The following CDS1 variants were observed in gnomAD, a reference collection of about 807,000 sequenced individuals.
CDS1 encodes phosphatidate cytidylyltransferase 1.
Under a neutral mutation model 62.1 loss-of-function variants are expected in CDS1, and 41 were observed. That is an observed-to-expected ratio of 0.66 (90% confidence interval 0.51 to 0.86). CDS1 has a LOEUF of 0.86. Ranked by LOEUF, CDS1 falls within the 40% of genes least tolerant of loss-of-function variation. The pLI, the probability that CDS1 is intolerant of heterozygous loss-of-function variation, is 0.00. For missense variants in CDS1, 470 were observed against 550.1 expected (o/e 0.85, Z 1.46); for synonymous variants, 185 against 192.6 (o/e 0.96, Z 0.32).
chr4:84,586,382 A>G (rs1317987561), intron 1 of CDS1, among the ~76,000 whole-genome samples: 1 of 152,220 alleles, frequency 6.6e-6, no homozygotes, highest in Non-Finnish European at 1.5e-5. Flanking sequence ...TCCTGCAACT[A>G]TACAGTCCCA....
At chr4:84,642,670 C>CT in intron 10 of CDS1, among the ~76,000 whole-genome samples, 2 of 152,078 alleles carry the variant, frequency 1.3e-5, no homozygotes, top group Non-Finnish European at 2.9e-5. Context: ...TATATAATTA[C>CT]AGCAACAAAG....
rs1723025334 is a variant in CDS1, at chr4:84,604,305, A to G, written c.180A>G (p.Glu60=). ...LDSRTDSDIP[E]IPPSSDRTPE... ...CCAGAACAGATTCTGATATTCCGGA[A>G]ATTCCACCATCCTCAGATAGAACCC... is the stretch of plus-strand genomic sequence containing the variant. Residue 60 remains glutamate (E), a synonymous_variant, in exon 2 of 13, where the codon GAA becomes GAG. Coordinates refer to ENST00000295887, the MANE Select transcript of CDS1 (RefSeq NM_001263.4). 1 of 1,612,544 alleles carries G rather than the reference A, an allele frequency of 6.2e-7. No individual in the cohort carries two copies. The highest frequency in any genetic ancestry group is 1.7e-5 in the Admixed American group (1 of 59,994).
intron 3 of CDS1, among the ~76,000 whole-genome samples, chr4:84,613,878 T>G (rs1265596227): frequency 6.6e-6 from 1 of 152,192 alleles, no homozygotes; most frequent in Non-Finnish European, 1.5e-5. Context: ...TGTAGTTTAC[T>G]TTTAAATAGT....
intron 2 of CDS1, among the ~76,000 whole-genome samples, chr4:84,607,523 G>T (rs749972722): frequency 6.6e-6 from 1 of 151,408 alleles, no homozygotes; most frequent in South Asian, 2.1e-4. Context: ...GGTTTTTACC[G>T]TGTTGCCCAG....
At chr4:84,593,478 G>A (rs143178613) in intron 1 of CDS1, among the ~76,000 whole-genome samples, 69 of 151,678 alleles carry the variant, frequency 4.5e-4, no homozygotes, top group African/African-American at 1.5e-3. Context: ...TATACACTCT[G>A]ATCAGCAGCA....
At chr4:84,596,783 T>C (rs1722765385) in intron 1 of CDS1, among the ~76,000 whole-genome samples, 1 of 152,146 alleles carries the variant, frequency 6.6e-6, no homozygotes, top group Non-Finnish European at 1.5e-5. Flanking sequence ...AGAAATTACA[T>C]CTAGGCTGAT....
Position 84,583,167 on chromosome 4 carries a change from A to C in CDS1, c.-235A>C. The C allele has an allele frequency of 2.3e-6, 1 of 442,810 alleles. No homozygotes were observed. 27.4% of individuals were successfully genotyped at this position (442,810 alleles called of 1,614,324 possible). A position where few individuals can be genotyped will look rare whatever the true frequency, so the allele number is the denominator to read the frequency against. Reference sequence around the variant, plus strand: ...GCCTGGCGCCCGGAGCCTGCCCGGGACCTCCGCCGGAGCCGCGCTCGCTGC... The same window carrying C: ...GCCTGGCGCCCGGAGCCTGCCCGGGCCCTCCGCCGGAGCCGCGCTCGCTGC... On this transcript the variant is annotated 5_prime_UTR_variant, in exon 1 of 13. Transcript: ENST00000295887.
In CDS1 at chr4:84,599,621, C is replaced by CGT. The variant is rs200732114; in HGVS notation, c.118-4613_118-4612dup. On this transcript the variant is annotated intron_variant, in intron 1 of 12. Transcript: ENST00000295887. Reference sequence around the variant, plus strand: ...TTTATATAAATGGAATAATATAATACGTGTGTGTGTATATATATATATATG... The same window carrying CGT: ...TTTATATAAATGGAATAATATAATACGTGTGTGTGTGTATATATATATATATG... 9.5e-4 allele frequency among the ~76,000 whole-genome samples: 143 copies of CGT among 150,360 alleles called. 1 individual carries two copies. Among genetic ancestry groups the CGT allele is most frequent in the African/African-American group, 3.0e-3 (122 of 40,548 alleles).
At chr4:84,614,803 T>C (rs981355285) in intron 3 of CDS1, among the ~76,000 whole-genome samples, 1 of 152,234 alleles carries the variant, frequency 6.6e-6, no homozygotes, top group Admixed American at 6.5e-5. Context: ...GTCTAAAGAA[T>C]AAAGAGAAGG....
intron 1 of CDS1, among the ~76,000 whole-genome samples, chr4:84,587,246 A>G (rs1722447582): frequency 6.6e-6 from 1 of 152,104 alleles, no homozygotes; most frequent in African/African-American, 2.4e-5. Context: ...TTTGGTATAT[A>G]TACAATTAAA....
intron 2 of CDS1, among the ~76,000 whole-genome samples, chr4:84,607,481 C>T (rs200722415): frequency 4.0e-5 from 6 of 151,408 alleles, no homozygotes; most frequent in Non-Finnish European, 7.4e-5. Context: ...TACCACCACG[C>T]GCAGCTAAGT....
At chr4:84,639,287 G>A (rs1430062266) in intron 9 of CDS1, among the ~76,000 whole-genome samples, 1 of 152,134 alleles carries the variant, frequency 6.6e-6, no homozygotes, top group African/African-American at 2.4e-5. Flanking sequence ...TTACTGTTGT[G>A]CTGTTGTGTT....
At chr4:84,583,576 G>A (rs1267055020) in intron 1 of CDS1, 58 bp downstream of exon 1, 9 of 1,069,524 alleles carry the variant, frequency 8.4e-6, no homozygotes, top group Admixed American at 5.4e-5. Context: ...GTTGGAAGCG[G>A]GACACTTGAG....
intron 5 of CDS1, among the ~76,000 whole-genome samples, chr4:84,620,056 A>C (rs908126830): frequency 1.3e-5 from 2 of 150,888 alleles, no homozygotes; most frequent in African/African-American, 4.9e-5. Flanking sequence ...GAATCACTCC[A>C]TATGTTTGAA....
At chr4:84,632,270 G>C (rs995069390) in intron 6 of CDS1, among the ~76,000 whole-genome samples, 1 of 152,080 alleles carries the variant, frequency 6.6e-6, no homozygotes, top group South Asian at 2.1e-4. Context: ...GCATAAAGCA[G>C]CAGAGCATGT....
intron 1 of CDS1, among the ~76,000 whole-genome samples, chr4:84,595,759 A>C (rs1722729911): frequency 6.6e-6 from 1 of 152,244 alleles, no homozygotes; most frequent in Admixed American, 6.5e-5. Context: ...GTAATAATTC[A>C]GATTTTGAGT....
chr4:84,603,613 C>T (rs1236232289), intron 1 of CDS1, among the ~76,000 whole-genome samples: 1 of 152,202 alleles, frequency 6.6e-6, no homozygotes, highest in African/African-American at 2.4e-5. Context: ...TCCCTGCCAT[C>T]TCCAACATAC....
At chr4:84,640,134 T>C (rs1458546732) in intron 9 of CDS1, among the ~76,000 whole-genome samples, 1 of 147,538 alleles carries the variant, frequency 6.8e-6, no homozygotes, top group Admixed American at 6.8e-5. Flanking sequence ...ATTATATATA[T>C]ATAATATATA....
intron 12 of CDS1, among the ~76,000 whole-genome samples, chr4:84,647,428 A>G (rs943029613): frequency 1.3e-5 from 2 of 152,120 alleles, no homozygotes; most frequent in Non-Finnish European, 2.9e-5. Context: ...GTTGTCCACC[A>G]TTTGAAAGCA....
Sources: gnomAD v4.1 joint callset for allele counts (sites outside exome capture counted in the v4.1 genomes callset) on GRCh38, gnomAD v4.1.1 for gene constraint, MANE v1.5 for transcripts, NCBI Gene and HGNC (gene_info 2026-07-23, HGNC 2026-07-21) for gene names.